SCFD2: variants seen among roughly 807,000 people sequenced by gnomAD.
The protein encoded by SCFD2 is sec1 family domain-containing protein 2.
Under a neutral mutation model 58.9 loss-of-function variants are expected in SCFD2, and 54 were observed. The ratio of observed to expected loss-of-function variants is 0.92; its 90% CI spans 0.74 to 1.15. SCFD2 has a LOEUF of 1.15. SCFD2 is among the 50% of genes most tolerant of loss of function. The pLI, the probability that SCFD2 is intolerant of heterozygous loss-of-function variation, is 0.00. For synonymous variants in SCFD2, 321 were observed against 335.9 expected, an observed-to-expected ratio of 0.96 and a Z score of 0.49; for missense variants, 805 against 836.6, an observed-to-expected ratio of 0.96 and a Z score of 0.47.
intron 2 of SCFD2, among the ~76,000 whole-genome samples, chr4:53,322,973 C>T (rs1733071246): frequency 6.6e-6 from 1 of 152,198 alleles, no homozygotes; most frequent in Non-Finnish European, 1.5e-5. Flanking sequence ...TATCTGCCTG[C>T]TTCACCCTTC....
intron 4 of SCFD2, among the ~76,000 whole-genome samples, chr4:53,174,023 C>T (rs1577802526): frequency 6.6e-6 from 1 of 151,910 alleles, no homozygotes; most frequent in East Asian, 1.9e-4. Context: ...TCAAAAACTA[C>T]CTGATATTTT....
At chr4:53,329,688 C>A (rs895858455) in intron 2 of SCFD2, among the ~76,000 whole-genome samples, 4 of 152,178 alleles carry the variant, frequency 2.6e-5, no homozygotes, top group African/African-American at 9.7e-5. Flanking sequence ...CGCAGAGCAC[C>A]TCTCCTCCTC....
rs115475520 is a variant in SCFD2, at chr4:53,006,146, A to G, written c.1562-85276T>C. ...CACCAGAGGGACCCAGTCATTCCTC[A>G]TCACTCCTGTTCCCAAGATGGGCTC... On this transcript the variant is annotated intron_variant, in intron 5 of 8. Coordinates refer to ENST00000401642, the MANE Select transcript of SCFD2 (RefSeq NM_152540.4). Among the ~76,000 whole-genome samples, 1,117 of 152,186 alleles carry G rather than the reference A, an allele frequency of 7.3e-3. 15 individuals are homozygous for G. Among genetic ancestry groups the G allele is most frequent in the African/African-American group, 0.026 (1,075 of 41,514 alleles).
chr4:53,061,560 G>A (rs1438593889), intron 5 of SCFD2, among the ~76,000 whole-genome samples: 1 of 152,066 alleles, frequency 6.6e-6, no homozygotes, highest in Non-Finnish European at 1.5e-5. Flanking sequence ...AAATCAGAAG[G>A]GCTTTTAAGA....
At chr4:52,909,916 G>T (rs979470559) in intron 6 of SCFD2, among the ~76,000 whole-genome samples, 1 of 152,186 alleles carries the variant, frequency 6.6e-6, no homozygotes, top group Non-Finnish European at 1.5e-5. Flanking sequence ...ACTCTTCCCT[G>T]AGTAAACTGT....
At chr4:52,917,848 C>T (rs1202760546) in intron 6 of SCFD2, among the ~76,000 whole-genome samples, 1 of 152,228 alleles carries the variant, frequency 6.6e-6, no homozygotes, top group Non-Finnish European at 1.5e-5. Flanking sequence ...TGATTGACAC[C>T]TTTTCCTAAC....
intron 4 of SCFD2, among the ~76,000 whole-genome samples, chr4:53,168,241 T>C (rs957254410): frequency 6.6e-6 from 1 of 152,192 alleles, no homozygotes; most frequent in African/African-American, 2.4e-5. Context: ...CTGCAATTCA[T>C]CTGTTCATTC....
At chr4:53,080,489 T>A (rs1204402549) in intron 5 of SCFD2, among the ~76,000 whole-genome samples, 1 of 152,136 alleles carries the variant, frequency 6.6e-6, no homozygotes, top group Non-Finnish European at 1.5e-5. Flanking sequence ...GAAAATAACG[T>A]ATATAGAAAC....
chr4:53,215,918 T>A (rs1728811809), intron 4 of SCFD2, among the ~76,000 whole-genome samples: 1 of 152,136 alleles, frequency 6.6e-6, no homozygotes. Flanking sequence ...GGTTTTTGTC[T>A]TTGGTTCTGT....
At chr4:52,893,078 T>C (rs1718915817) in intron 7 of SCFD2, among the ~76,000 whole-genome samples, 1 of 152,192 alleles carries the variant, frequency 6.6e-6, no homozygotes, top group South Asian at 2.1e-4. Flanking sequence ...ATTCCAGGAC[T>C]TGTACTCATT....
intron 2 of SCFD2, among the ~76,000 whole-genome samples, chr4:53,318,535 A>G (rs1166319183): frequency 3.3e-5 from 5 of 152,182 alleles, no homozygotes; most frequent in Non-Finnish European, 5.9e-5. Flanking sequence ...AAAAGCACCT[A>G]AAGAAAAATT....
chr4:53,201,980 G>C (rs1040663179), intron 4 of SCFD2, among the ~76,000 whole-genome samples: 1 of 152,142 alleles, frequency 6.6e-6, no homozygotes, highest in Non-Finnish European at 1.5e-5. Flanking sequence ...AAGGTTGCCT[G>C]TTCACTCTGA....
At chr4:53,138,874 C>T (rs1223783270) in intron 5 of SCFD2, among the ~76,000 whole-genome samples, 1 of 149,732 alleles carries the variant, frequency 6.7e-6, no homozygotes, top group East Asian at 2.0e-4. Flanking sequence ...CCCTCCCCCT[C>T]CCTCTCGTCT....
rs919092500 is a variant in SCFD2, at chr4:53,331,549, G to A, written c.1008-17786C>T. 2.5e-4 allele frequency among the ~76,000 whole-genome samples: 38 copies of A among 152,212 alleles called. 1 individual carries two copies. Among genetic ancestry groups the A allele is most frequent in the African/African-American group, 4.3e-4 (18 of 41,520 alleles). ...AATAAAGATGTTCTTTGAAACCAGCGAGAACAAAGACACAACATACCAGAA... is the reference window on the plus strand; with the variant it reads ...AATAAAGATGTTCTTTGAAACCAGCAAGAACAAAGACACAACATACCAGAA... On this transcript the variant is annotated intron_variant, in intron 2 of 8. Transcript: ENST00000401642.
chr4:53,248,892 G>A (rs1198148878), intron 4 of SCFD2, among the ~76,000 whole-genome samples: 1 of 152,230 alleles, frequency 6.6e-6, no homozygotes, highest in Non-Finnish European at 1.5e-5. Flanking sequence ...CTAAAAAGCA[G>A]AGCGCCTCTC....
In SCFD2 at chr4:53,222,220, G is replaced by T. The variant is rs1449834379; in HGVS notation, c.1311+51606C>A. Among the ~76,000 whole-genome samples, 5 of 152,338 alleles carry T rather than the reference G, an allele frequency of 3.3e-5. No individual in the cohort carries two copies. The East Asian group carries it at 9.6e-4, about 29-fold the overall frequency. ...TTAATCATGTTCTAAAACAGTGAGAGAAGCAGCAATGACTCAATGACTTAA... is the reference window on the plus strand; with the variant it reads ...TTAATCATGTTCTAAAACAGTGAGATAAGCAGCAATGACTCAATGACTTAA... On this transcript the variant is annotated intron_variant, in intron 4 of 8. Transcript: ENST00000401642.
intron 5 of SCFD2, among the ~76,000 whole-genome samples, chr4:52,924,190 G>C (rs192475819): frequency 3.9e-5 from 6 of 152,074 alleles, no homozygotes; most frequent in Non-Finnish European, 7.4e-5. Flanking sequence ...TGAGAAGTAT[G>C]ATATTCATTC....
intron 5 of SCFD2, among the ~76,000 whole-genome samples, chr4:52,942,089 G>A (rs1381555976): frequency 6.6e-6 from 1 of 152,162 alleles, no homozygotes; most frequent in Non-Finnish European, 1.5e-5. Context: ...GATGAAAATG[G>A]TATACGAGAG....
At chr4:52,986,659 C>T (rs987777843) in intron 5 of SCFD2, among the ~76,000 whole-genome samples, 3 of 151,748 alleles carry the variant, frequency 2.0e-5, no homozygotes, top group African/African-American at 4.8e-5. Context: ...CCACCACGCT[C>T]GGCTAAAATT....
Sources: allele counts gnomAD v4.1 joint callset (sites outside exome capture counted in the v4.1 genomes callset), GRCh38; gene constraint gnomAD v4.1.1; transcripts MANE v1.5; gene names NCBI Gene and HGNC (gene_info 2026-07-23, HGNC 2026-07-21).